Variants in SLC45A3 observed in about 807,000 individuals in gnomAD.
SLC45A3 encodes the protein solute carrier family 45 member 3.
In SLC45A3, 17 loss-of-function variants were observed where a neutral mutation model predicts 35.3. The ratio of observed to expected loss-of-function variants is 0.48; its 90% CI spans 0.33 to 0.72. The LOEUF is 0.72. Among genes scored for constraint, SLC45A3 ranks in the 30% least tolerant of loss-of-function variants. SLC45A3 has a pLI of 0.02. For synonymous variants in SLC45A3, 288 were observed against 334.3 expected (o/e 0.86, Z 1.51); for missense variants, 597 against 731.7 (o/e 0.82, Z 2.12).
rs1315177284 is a variant in SLC45A3 at position 205,659,217 on chromosome 1, A to G, written c.*17T>C. The G allele has an allele frequency of 6.3e-7, 1 of 1,588,674 alleles. No homozygotes were observed. The highest frequency in any genetic ancestry group is 8.6e-7 in the Non-Finnish European group (1 of 1,165,376). ...CCCAGTGAGGCAGGCCCTCCACCCC[A>G]ATGTGCTGGAAGTTTTCTACGCTGA... On this transcript the variant is annotated 3_prime_UTR_variant, in exon 5 of 5. Transcript: ENST00000367145. This position sits in a 1 kb window ranked among gnomAD's most constrained non-coding sequence, Gnocchi z 5.8.
At chr1:205,679,804 T>C (rs1393802491) in intron 1 of SLC45A3, among the ~76,000 whole-genome samples, 2 of 151,600 alleles carry the variant, frequency 1.3e-5, no homozygotes, top group Non-Finnish European at 2.9e-5. Flanking sequence ...CCTGTCTTAA[T>C]AACTCACTCT....
In SLC45A3 at chr1:205,666,872, C is replaced by T. The variant is rs1671127760; in HGVS notation, c.-230-1986G>A. Among the ~76,000 whole-genome samples, 1 of 152,166 alleles carries T rather than the reference C, an allele frequency of 6.6e-6. No individual in the cohort carries two copies. Among genetic ancestry groups the T allele is most frequent in the Non-Finnish European group, 1.5e-5 (1 of 68,024 alleles). ...CACAGAGACCAAGAGGCAGTGCTATCCAGCCTAAAGGGAGGGGTTCTGCGG... is the reference window on the plus strand; with the variant it reads ...CACAGAGACCAAGAGGCAGTGCTATTCAGCCTAAAGGGAGGGGTTCTGCGG... On this transcript the variant is annotated intron_variant, in intron 1 of 4. Coordinates refer to ENST00000367145, the MANE Select transcript of SLC45A3 (RefSeq NM_033102.3). This position sits in a 1 kb window ranked among gnomAD's most constrained non-coding sequence, Gnocchi z 4.1.
chr1:205,671,024 G>T (rs1671206246), intron 1 of SLC45A3, among the ~76,000 whole-genome samples: 1 of 152,224 alleles, frequency 6.6e-6, no homozygotes, highest in South Asian at 2.1e-4. Flanking sequence ...TCCAGCTTTG[G>T]AAAGGAAACA....
In SLC45A3 at chr1:205,662,656, C is replaced by G. The variant is rs1289491063; in HGVS notation, c.958+177G>C. The stretch of plus-strand genomic sequence containing the variant: ...GAGCAGCCAGAGGCCTTCCTGAAAC[C>G]GCAAGCAGAGATGTTCCACACCCAT... On this transcript the variant is annotated intron_variant, in intron 3 of 4. Transcript: ENST00000367145. The surrounding 1 kb of genome is among the most constrained non-coding windows in gnomAD (Gnocchi z 6.2). The G allele has an allele frequency of 7.2e-7, 1 of 1,386,974 alleles. No homozygotes were observed. The highest frequency in any genetic ancestry group is 3.2e-5 in the Admixed American group (1 of 31,604). The allele number at this position is 1,386,974 out of a possible 1,614,324, so 85.9% of individuals were successfully genotyped here. A position where few individuals can be genotyped will look rare whatever the true frequency, so the allele number is the denominator to read the frequency against.
intron 1 of SLC45A3, among the ~76,000 whole-genome samples, chr1:205,667,456 G>A (rs1023447714): frequency 3.3e-5 from 5 of 152,054 alleles, no homozygotes; most frequent in African/African-American, 4.8e-5. Context: ...GCAGTGAGCC[G>A]AGATTGTGCC....
chr1:205,665,990 T>C (rs1671111941), intron 1 of SLC45A3, among the ~76,000 whole-genome samples: 1 of 152,092 alleles, frequency 6.6e-6, no homozygotes, highest in South Asian at 2.1e-4. Flanking sequence ...AAGACCAGCC[T>C]GGCCAACATG....
intron 1 of SLC45A3, among the ~76,000 whole-genome samples, chr1:205,670,745 A>G (rs1671198132): frequency 6.6e-6 from 1 of 152,300 alleles, no homozygotes; most frequent in East Asian, 1.9e-4. Flanking sequence ...AGAGTAATCC[A>G]TCAAACTCTC....
intron 1 of SLC45A3, among the ~76,000 whole-genome samples, chr1:205,676,563 C>T (rs546751070): frequency 6.6e-6 from 1 of 152,300 alleles, no homozygotes; most frequent in South Asian, 2.1e-4. Flanking sequence ...AATCTCATCT[C>T]CATTTTACAG....
chr1:205,659,010 G>A lies in SLC45A3; in HGVS notation c.*224C>T, dbSNP rs190710726. The A allele has an allele frequency of 2.7e-5, 15 of 560,926 alleles. No individual in the cohort carries two copies. In the East Asian group the frequency reaches 4.5e-4, roughly 17 times the overall value. The allele number at this position is 560,926 out of a possible 1,614,324, so 34.7% of individuals were successfully genotyped here. On this transcript the variant is annotated 3_prime_UTR_variant, in exon 5 of 5. Coordinates refer to ENST00000367145, the MANE Select transcript of SLC45A3 (RefSeq NM_033102.3). The surrounding 1 kb of genome is among the most constrained non-coding windows in gnomAD (Gnocchi z 5.8). Reference sequence around the variant, plus strand: ...GTCCAGACTGAAACCCCCTTGGAAGGCCTCCAGTCAGGCAGCCCTAGAGAC... The same window carrying A: ...GTCCAGACTGAAACCCCCTTGGAAGACCTCCAGTCAGGCAGCCCTAGAGAC...
At chr1:205,676,236 G>A (rs1671313047) in intron 1 of SLC45A3, among the ~76,000 whole-genome samples, 1 of 152,200 alleles carries the variant, frequency 6.6e-6, no homozygotes, top group Non-Finnish European at 1.5e-5. Flanking sequence ...AGATTAGCGA[G>A]GCCGGGGGCA....
chr1:205,661,609 C>T (rs1052994329), intron 4 of SLC45A3, among the ~76,000 whole-genome samples: 11 of 152,208 alleles, frequency 7.2e-5, no homozygotes, highest in Admixed American at 5.2e-4. Flanking sequence ...TTCCCACTAT[C>T]GTATTTTGCA....
chr1:205,669,406 G>C lies in SLC45A3; in HGVS notation c.-230-4520C>G, dbSNP rs1671169218. ...CTCCCTGGTAGCTCCCTAAGGGAAG[G>C]GAGGGTCAGAGGGGGATGTATAAAG... On this transcript the variant is annotated intron_variant, in intron 1 of 4. Transcript: ENST00000367145. This position sits in a 1 kb window ranked among gnomAD's most constrained non-coding sequence, Gnocchi z 4.1. Among the ~76,000 whole-genome samples, 1 of 152,198 alleles carries C rather than the reference G, an allele frequency of 6.6e-6. No homozygotes were observed. Among genetic ancestry groups the C allele is most frequent in the South Asian group, 2.1e-4 (1 of 4,828 alleles).
In SLC45A3 at chr1:205,659,238, G is replaced by T; in HGVS notation, c.1658C>A (p.Ala553Glu). 1 of 1,607,432 alleles carries T rather than the reference G, an allele frequency of 6.2e-7. No individual in the cohort carries two copies. The highest frequency in any genetic ancestry group is 1.1e-5 in the South Asian group (1 of 89,874). The change falls in exon 5 of 5, where the codon GCG becomes GAG. Residue 553 changes from alanine (A) to glutamate (E), a missense_variant. Coordinates refer to ENST00000367145, the MANE Select transcript of SLC45A3 (RefSeq NM_033102.3). This position sits in a 1 kb window ranked among gnomAD's most constrained non-coding sequence, Gnocchi z 5.8. ...CCCCAATGTGCTGGAAGTTTTCTAC[G>T]CTGAGTATTTGGCCAAGTCGCTCTT... is the stretch of plus-strand genomic sequence containing the variant. ...FDKSDLAKYS[A>E]
At position 205,664,352 on chromosome 1, in the gene SLC45A3, C is replaced by A; in HGVS notation, c.172+133G>T. On this transcript the variant is annotated intron_variant, in intron 2 of 4. Coordinates refer to ENST00000367145, the MANE Select transcript of SLC45A3 (RefSeq NM_033102.3). The surrounding 1 kb of genome is among the most constrained non-coding windows in gnomAD (Gnocchi z 5.3). ...GGTGTGCCCCCTCAGCCCAGGGTCA[C>A]CCTCCTGCCCAGCAATGCCTTCCCA... is the stretch of plus-strand genomic sequence containing the variant. 1 of 1,216,314 alleles carries A rather than the reference C, an allele frequency of 8.2e-7. No individual in the cohort carries two copies. The highest frequency in any genetic ancestry group is 1.2e-6 in the Non-Finnish European group (1 of 855,042). The allele number at this position is 1,216,314 out of a possible 1,614,324, so 75.3% of individuals were successfully genotyped here.
At position 205,666,828 on chromosome 1, in the gene SLC45A3, G is replaced by A. The variant is rs1344019038; in HGVS notation, c.-230-1942C>T. 6.6e-6 allele frequency among the ~76,000 whole-genome samples: 1 copy of A among 152,218 alleles called. No individual in the cohort carries two copies. Among genetic ancestry groups the A allele is most frequent in the Non-Finnish European group, 1.5e-5 (1 of 68,034 alleles). Reference sequence around the variant, plus strand: ...TGCTGCATTTCCACAGTACCCCCAAGAAGGAAAGCAGGAGACAGCACAGAG... The same window carrying A: ...TGCTGCATTTCCACAGTACCCCCAAAAAGGAAAGCAGGAGACAGCACAGAG... On this transcript the variant is annotated intron_variant, in intron 1 of 4. Coordinates refer to ENST00000367145, the MANE Select transcript of SLC45A3 (RefSeq NM_033102.3). This position sits in a 1 kb window ranked among gnomAD's most constrained non-coding sequence, Gnocchi z 4.1.
At chr1:205,667,328 G>A (rs1374362963) in intron 1 of SLC45A3, among the ~76,000 whole-genome samples, 1 of 152,168 alleles carries the variant, frequency 6.6e-6, no homozygotes, top group Non-Finnish European at 1.5e-5. Flanking sequence ...CCAACGTGGT[G>A]AAACCCCATC....
intron 1 of SLC45A3, among the ~76,000 whole-genome samples, chr1:205,671,774 G>A (rs571634300): frequency 1.3e-5 from 2 of 152,270 alleles, no homozygotes; most frequent in Admixed American, 1.3e-4. Flanking sequence ...GCTGAGGCAT[G>A]AGAATTGCTT....
At chr1:205,660,413 T>G (rs1260816218) in intron 4 of SLC45A3, among the ~76,000 whole-genome samples, 1 of 152,138 alleles carries the variant, frequency 6.6e-6, no homozygotes, top group Non-Finnish European at 1.5e-5. Flanking sequence ...AGCCTCCTAT[T>G]TAAGGACAAG....
rs34399597 is a variant in SLC45A3, at chr1:205,657,973, AC to A, written c.*1260del. On this transcript the variant is annotated 3_prime_UTR_variant, in exon 5 of 5. Coordinates refer to ENST00000367145, the MANE Select transcript of SLC45A3 (RefSeq NM_033102.3). ...CGACATTATTGCAAACGGCACTTAA[AC>A]CCCCCCTGAGAGATAAGACCTCCCT... The A allele has an allele frequency of 0.11, 23,865 of 223,806 alleles. 1,848 individuals are homozygous for A. The highest frequency in any genetic ancestry group is 0.33 in the East Asian group (5,095 of 15,328). 13.9% of individuals were successfully genotyped at this position (223,806 alleles called of 1,614,324 possible).
Sources: gnomAD v4.1 joint callset for allele counts (sites outside exome capture counted in the v4.1 genomes callset) on GRCh38, gnomAD v4.1.1 for gene constraint, Gnocchi (gnomAD v3.1) non-coding constraint, MANE v1.5 for transcripts, NCBI Gene and HGNC (gene_info 2026-07-23, HGNC 2026-07-21) for gene names.